MPZL1: variants seen among roughly 807,000 people sequenced by gnomAD.
The protein encoded by MPZL1 is myelin protein zero like 1.
A neutral mutation model predicts 29.3 loss-of-function variants in MPZL1; 16 were observed. The ratio of observed to expected loss-of-function variants is 0.55; its 90% CI spans 0.37 to 0.83. The LOEUF (loss-of-function observed/expected upper bound fraction) is 0.83, where lower values mean the gene tolerates loss of function less well. MPZL1 is among the 40% of genes least tolerant of loss of function. MPZL1 has a pLI of 0.00. For missense variants in MPZL1, 279 were observed against 332.9 expected, an observed-to-expected ratio of 0.84 and a Z score of 1.26; for synonymous variants, 143 against 132.0, an observed-to-expected ratio of 1.08 and a Z score of -0.57.
At chr1:167,776,704 G>A (rs550020860) in intron 5 of MPZL1, among the ~76,000 whole-genome samples, 47 of 152,230 alleles carry the variant, frequency 3.1e-4, no homozygotes, top group Non-Finnish European at 6.0e-4. Context: ...GTACAGAAGA[G>A]AAACAGGTTT....
At chr1:167,787,361 A>G (rs1231716613) in intron 5 of MPZL1, 1 of 154,468 alleles carries the variant, frequency 6.5e-6, no homozygotes, top group Non-Finnish European at 1.4e-5. Flanking sequence ...AATTGATTGT[A>G]TCTTTGGGTG....
chr1:167,735,494 A>ATG (rs1419314896), intron 1 of MPZL1, among the ~76,000 whole-genome samples: 1 of 151,766 alleles, frequency 6.6e-6, no homozygotes, highest in Non-Finnish European at 1.5e-5. Flanking sequence ...CAAGATGTGC[A>ATG]TGTGTGTGTG....
At chr1:167,743,356 G>T (rs1314522021) in intron 1 of MPZL1, among the ~76,000 whole-genome samples, 1 of 151,676 alleles carries the variant, frequency 6.6e-6, no homozygotes, top group African/African-American at 2.4e-5. Context: ...GACTACAGGC[G>T]CACATCACGC....
At chr1:167,782,661 G>GT (rs1661520289) in intron 5 of MPZL1, among the ~76,000 whole-genome samples, 1 of 152,072 alleles carries the variant, frequency 6.6e-6, no homozygotes, top group Non-Finnish European at 1.5e-5. Context: ...GTTACCTTAC[G>GT]TATCAAAAAG....
At chr1:167,739,284 T>TATAC (rs1191922413) in intron 1 of MPZL1, among the ~76,000 whole-genome samples, 22 of 73,990 alleles carry the variant, frequency 3.0e-4, no homozygotes, top group African/African-American at 1.1e-3. Flanking sequence ...CATATATACA[T>TATAC]ATATATATAT....
chr1:167,776,175 T>G lies in MPZL1; in HGVS notation c.708+9T>G, dbSNP rs760821258. ...CTTCTGGATCTCACCAGGTAATGGC[T>G]GATTGCGATTCTGCCCACTGCACTG... On this transcript the variant is annotated intron_variant, in intron 5 of 5. Transcript: ENST00000359523. 1 of 1,598,740 alleles carries G rather than the reference T, an allele frequency of 6.3e-7. No homozygotes were observed. Among genetic ancestry groups the G allele is most frequent in the South Asian group, 1.1e-5 (1 of 90,416 alleles).
chr1:167,748,000 G>T (rs1390780510), intron 1 of MPZL1, among the ~76,000 whole-genome samples: 1 of 152,014 alleles, frequency 6.6e-6, no homozygotes, highest in Non-Finnish European at 1.5e-5. Flanking sequence ...TTTCTGTCTG[G>T]CATCTTTCAC....
intron 5 of MPZL1, 81 bp from the exon 6 acceptor site, chr1:167,787,739 G>A (rs562870912): frequency 3.2e-5 from 33 of 1,036,550 alleles, no homozygotes; most frequent in South Asian, 3.1e-4. Flanking sequence ...ATGTGATCAC[G>A]TTAATCATTG....
rs777526297 is a variant in MPZL1, at chr1:167,765,529, A to G, written c.92-54A>G. 4 of 1,457,036 alleles carry G rather than the reference A, an allele frequency of 2.7e-6. No homozygotes were observed. In the African/African-American group the frequency reaches 4.3e-5, roughly 16 times the overall value. The allele number at this position is 1,457,036 out of a possible 1,614,324, so 90.3% of individuals were successfully genotyped here. A position where few individuals can be genotyped will look rare whatever the true frequency, so the allele number is the denominator to read the frequency against. On this transcript the variant is annotated intron_variant, in intron 1 of 5. Coordinates refer to ENST00000359523, the MANE Select transcript of MPZL1 (RefSeq NM_003953.6). Reference sequence around the variant, plus strand: ...CTTTTCTTGTCTGGCAAAAATGCACAGTGGTATTCATGTTAAGTCCTACTT... The same window carrying G: ...CTTTTCTTGTCTGGCAAAAATGCACGGTGGTATTCATGTTAAGTCCTACTT...
Position 167,788,146 on chromosome 1 carries a change from C to T in MPZL1, c.*225C>T. ...TGCATGATGAAAAGATGGTATGATT[C>T]TACATATGTACCCATTGTCTTGCTG... On this transcript the variant is annotated 3_prime_UTR_variant, in exon 6 of 6. Transcript: ENST00000359523. The T allele has an allele frequency of 2.1e-6, 1 of 479,894 alleles. No homozygotes were observed. Among genetic ancestry groups the T allele is most frequent in the African/African-American group, 2.0e-5 (1 of 51,038 alleles). 29.7% of individuals were successfully genotyped at this position (479,894 alleles called of 1,614,324 possible).
At chr1:167,740,695 A>G (rs1026182915) in intron 1 of MPZL1, among the ~76,000 whole-genome samples, 2 of 152,152 alleles carry the variant, frequency 1.3e-5, no homozygotes, top group African/African-American at 2.4e-5. Flanking sequence ...TCCAAAATTT[A>G]TATACAATTC....
Position 167,773,279 on chromosome 1 carries a change from T to C in MPZL1, c.516T>C (p.Val172=). 1.2e-6 allele frequency: 2 copies of C among 1,613,664 alleles called. No individual in the cohort carries two copies. Among genetic ancestry groups the C allele is most frequent in the South Asian group, 2.2e-5 (2 of 91,078 alleles). ...CAGTTTGGGTAGTGGTGGGCATAGTTACTGCTGTGGTCCTAGGTCTCACTC... is the reference window on the plus strand; with the variant it reads ...CAGTTTGGGTAGTGGTGGGCATAGTCACTGCTGTGGTCCTAGGTCTCACTC... ...VFPVWVVVGI[V]TAVVLGLTLL... is the part of the protein sequence containing the mutation. Residue 172 remains valine, a synonymous_variant, in exon 4 of 6, where the codon GTT becomes GTC. Coordinates refer to ENST00000359523, the MANE Select transcript of MPZL1 (RefSeq NM_003953.6).
chr1:167,734,407 G>T (rs1449761855), intron 1 of MPZL1, among the ~76,000 whole-genome samples: 1 of 152,084 alleles, frequency 6.6e-6, no homozygotes. Flanking sequence ...AAACCAAACT[G>T]TTAGAGCCCT....
chr1:167,742,578 C>T (rs2101759721), intron 1 of MPZL1, among the ~76,000 whole-genome samples: 1 of 152,260 alleles, frequency 6.6e-6, no homozygotes, highest in Admixed American at 6.5e-5. Flanking sequence ...TTTTCTCTCA[C>T]TCTGTGGGTT....
intron 5 of MPZL1, among the ~76,000 whole-genome samples, chr1:167,781,190 G>C (rs528164717): frequency 1.3e-5 from 2 of 152,148 alleles, no homozygotes; most frequent in African/African-American, 4.8e-5. Flanking sequence ...TCAGCAGTTG[G>C]TAGAACAGGT....
chr1:167,722,759 C>T (rs1299921220), intron 1 of MPZL1, among the ~76,000 whole-genome samples: 1 of 152,180 alleles, frequency 6.6e-6, no homozygotes, highest in African/African-American at 2.4e-5. Context: ...CCCATGCTCT[C>T]ATTCAGTTTT....
At chr1:167,746,373 G>T (rs796801777) in intron 1 of MPZL1, among the ~76,000 whole-genome samples, 1 of 152,098 alleles carries the variant, frequency 6.6e-6, no homozygotes, top group African/African-American at 2.4e-5. Flanking sequence ...TCTGTGTGCC[G>T]TGCGAGGGAG....
chr1:167,774,026 A>G (rs1661309390), intron 4 of MPZL1: 1 of 152,626 alleles, frequency 6.6e-6, no homozygotes, highest in South Asian at 2.1e-4. Flanking sequence ...CTCCAAGCTT[A>G]AGTAGCTTTA....
At chr1:167,766,789 G>T (rs112554223) in intron 2 of MPZL1, among the ~76,000 whole-genome samples, 2,590 of 152,210 alleles carry the variant, frequency 0.017, 80 homozygotes, top group African/African-American at 0.059. Flanking sequence ...TTCACCTGTG[G>T]CCATACCACA....
Sources: gnomAD v4.1 joint callset for allele counts (sites outside exome capture counted in the v4.1 genomes callset) on GRCh38, gnomAD v4.1.1 for gene constraint, MANE v1.5 for transcripts, NCBI Gene and HGNC (gene_info 2026-07-23, HGNC 2026-07-21) for gene names.